RASGRP4: variants seen among roughly 807,000 people sequenced by gnomAD.
The protein encoded by RASGRP4 is RAS guanyl-releasing protein 4.
In RASGRP4, 52 loss-of-function variants were observed where a neutral mutation model predicts 84.4. The observed-to-expected ratio is 0.62, with a 90% CI of 0.49 to 0.78. RASGRP4 has a LOEUF of 0.78. Among genes scored for constraint, RASGRP4 ranks in the 30% least tolerant of loss-of-function variants. The pLI is 0.00. For synonymous variants in RASGRP4, 356 were observed against 359.1 expected, an observed-to-expected ratio of 0.99 and a Z score of 0.10; for missense variants, 760 against 886.9, an observed-to-expected ratio of 0.86 and a Z score of 1.82.
chr19:38,412,568 T>G lies in RASGRP4; in HGVS notation c.1680+104A>C. On this transcript the variant is annotated intron_variant, in intron 13 of 16. Transcript: ENST00000615439. This position sits in a 1 kb window ranked among gnomAD's most constrained non-coding sequence, Gnocchi z 4.6. ...TAGGGTTTATATGAAACAGGATGAT[T>G]TGAAGCTGGAGGATTTCTGGAATTT... The G allele has an allele frequency of 9.2e-7, 1 of 1,091,824 alleles. No homozygotes were observed. 67.6% of individuals were successfully genotyped at this position (1,091,824 alleles called of 1,614,324 possible). A position where few individuals can be genotyped will look rare whatever the true frequency, so the allele number is the denominator to read the frequency against.
chr19:38,424,967 C>T (rs1368780744), intron 1 of RASGRP4, among the ~76,000 whole-genome samples: 3 of 151,940 alleles, frequency 2.0e-5, no homozygotes, highest in South Asian at 2.1e-4. Context: ...GGGTGGATCA[C>T]GAGGTCAAGA....
chr19:38,423,923 G>A (rs1428663177), intron 1 of RASGRP4, among the ~76,000 whole-genome samples: 1 of 152,116 alleles, frequency 6.6e-6, no homozygotes, highest in Non-Finnish European at 1.5e-5. Context: ...TCCTGATAGG[G>A]GAAGAGGGTA....
At position 38,412,851 on chromosome 19, in the gene RASGRP4, C is replaced by T. The variant is rs769115432; in HGVS notation, c.1536-35G>A. On this transcript the variant is annotated intron_variant, in intron 12 of 16. Transcript: ENST00000615439. This position sits in a 1 kb window ranked among gnomAD's most constrained non-coding sequence, Gnocchi z 4.6. ...GAAACTGAGCCTCAGCATGACCTGC[C>T]CCAACGTCCTCCAGACCCAGGAGTC... 2.5e-6 allele frequency: 4 copies of T among 1,611,640 alleles called. No individual in the cohort carries two copies. The highest frequency in any genetic ancestry group is 3.4e-6 in the Non-Finnish European group (4 of 1,178,540).
chr19:38,412,937 C>A lies in RASGRP4; in HGVS notation c.1529G>T (p.Arg510Leu), dbSNP rs751562921. 1 of 1,613,534 alleles carries A rather than the reference C, an allele frequency of 6.2e-7. No individual in the cohort carries two copies. The highest frequency in any genetic ancestry group is 8.5e-7 in the Non-Finnish European group (1 of 1,179,566). Residue 510 changes from arginine (R) to leucine (L), a missense_variant, in exon 12 of 17, where the codon CGC (arginine) becomes CTC (leucine). By Grantham distance (102) the Arg-to-Leu change is moderately radical. Coordinates refer to ENST00000615439, the MANE Select transcript of RASGRP4 (RefSeq NM_170604.3). The surrounding 1 kb of genome is among the most constrained non-coding windows in gnomAD (Gnocchi z 4.6). ...AGGAGTCACAACCACTTACCCCTGG[C>A]GTGGGGGTGGGTGAAGCCCATGGCA... ...FACHGLHPPPRQGRGSFSREE... is the reference protein window; with the variant it reads ...FACHGLHPPPLQGRGSFSREE...
Position 38,418,685 on chromosome 19 carries a change from A to C in RASGRP4, c.664-121T>G. 4 of 973,516 alleles carry C rather than the reference A, an allele frequency of 4.1e-6. No individual in the cohort carries two copies. Among genetic ancestry groups the C allele is most frequent in the Non-Finnish European group, 5.8e-6 (4 of 686,346 alleles). The allele number at this position is 973,516 out of a possible 1,614,324, so 60.3% of individuals were successfully genotyped here. ...TGGTCTAGCCGGAGTGACCTTTGTCATCTGTCCCCCAACCCTCAGGCTGCT... is the reference window on the plus strand; with the variant it reads ...TGGTCTAGCCGGAGTGACCTTTGTCCTCTGTCCCCCAACCCTCAGGCTGCT... On this transcript the variant is annotated intron_variant, in intron 6 of 16. Coordinates refer to ENST00000615439, the MANE Select transcript of RASGRP4 (RefSeq NM_170604.3). This position sits in a 1 kb window ranked among gnomAD's most constrained non-coding sequence, Gnocchi z 4.6.
intron 1 of RASGRP4, among the ~76,000 whole-genome samples, chr19:38,425,333 C>T (rs575493192): frequency 3.9e-5 from 6 of 152,226 alleles, no homozygotes; most frequent in African/African-American, 9.6e-5. Flanking sequence ...CAGGCCTCTC[C>T]GAGGTAGAGG....
chr19:38,414,989 C>T lies in RASGRP4; in HGVS notation c.1089G>A (p.Glu363=). The T allele has an allele frequency of 6.2e-7, 1 of 1,613,398 alleles. No individual in the cohort carries two copies. The change falls in exon 9 of 17, where the codon GAG becomes GAA. Residue 363 remains glutamate (E), a synonymous_variant. Coordinates refer to ENST00000615439, the MANE Select transcript of RASGRP4 (RefSeq NM_170604.3). The part of the protein sequence containing the change: ...VHLKDLVSLH[E]AQPDRLPDGR... ...CGTCAGGCAACCTGTCGGGCTGTGC[C>T]TCATGCAGGGACACCAGGTCCTTGA...
chr19:38,416,075 A>T (rs1321534473), intron 8 of RASGRP4, among the ~76,000 whole-genome samples: 1 of 150,074 alleles, frequency 6.7e-6, no homozygotes, highest in Non-Finnish European at 1.5e-5. Flanking sequence ...CAACAATGAA[A>T]AGGCTGAGGG....
Position 38,411,111 on chromosome 19 carries a change from T to C in RASGRP4, c.1852+4A>G. The C allele has an allele frequency of 6.2e-7, 1 of 1,613,286 alleles. No individual in the cohort carries two copies. The highest frequency in any genetic ancestry group is 8.5e-7 in the Non-Finnish European group (1 of 1,179,540). On this transcript the variant is annotated splice_donor_region_variant and intron_variant, in intron 15 of 16. Transcript: ENST00000615439. ...TCCCAGCACCGGTGTGCTCTAGGTC[T>C]TACCACAGCTGGCATGGGGAGCTGG...
Position 38,415,038 on chromosome 19 carries a change from C to T in RASGRP4, c.1040G>A (p.Arg347Gln). ...GAGGTGCACGCCCAGTACAGGCAGC[C>T]GGAAACCCGCGCAGCCAGCCCAGGT... ...RRTWAGCAGF[R>Q]LPVLGVHLKD... Residue 347 changes from arginine to glutamine, a missense_variant, in exon 9 of 17, where the codon CGG becomes CAG. By Grantham distance (43) the Arg-to-Gln change is conservative (BLOSUM62 1). Coordinates refer to ENST00000615439, the MANE Select transcript of RASGRP4 (RefSeq NM_170604.3). The T allele has an allele frequency of 1.2e-6, 2 of 1,608,042 alleles. No individual in the cohort carries two copies. The highest frequency in any genetic ancestry group is 1.7e-6 in the Non-Finnish European group (2 of 1,177,642).
At position 38,417,888 on chromosome 19, in the gene RASGRP4, CG is replaced by C. The variant is rs1180401982; in HGVS notation, c.837+502del. 1.3e-5 allele frequency among the ~76,000 whole-genome samples: 2 copies of C among 148,664 alleles called. No individual in the cohort carries two copies. The highest frequency in any genetic ancestry group is 3.0e-5 in the Non-Finnish European group (2 of 67,496). On this transcript the variant is annotated intron_variant, in intron 7 of 16. Coordinates refer to ENST00000615439, the MANE Select transcript of RASGRP4 (RefSeq NM_170604.3). The surrounding 1 kb of genome is among the most constrained non-coding windows in gnomAD (Gnocchi z 5.1). ...AATACGCAAGGGGGCGCGGCCACAG[CG>C]GGGCCGTAGGGCTTCCCTTTTCCCC... is the stretch of plus-strand genomic sequence containing the variant.
intron 1 of RASGRP4, among the ~76,000 whole-genome samples, chr19:38,423,701 G>A (rs1434156892): frequency 6.7e-6 from 1 of 148,474 alleles, no homozygotes; most frequent in Admixed American, 6.7e-5. Context: ...GCCAGGCGTG[G>A]TGGTGGGCTC....
chr19:38,424,407 A>G (rs2145248542), intron 1 of RASGRP4, among the ~76,000 whole-genome samples: 1 of 151,524 alleles, frequency 6.6e-6, no homozygotes, highest in South Asian at 2.1e-4. Context: ...GGTGTGAGCC[A>G]TCACGCCAGG....
At position 38,415,112 on chromosome 19, in the gene RASGRP4, C is replaced by T. The variant is rs2145208234; in HGVS notation, c.966G>A (p.Glu322=). ...TGTGGGAGGCAAGGAGCTCAGTGAGCTCCAGGAGGGCCTGGGGAGGAGGGA... is the reference window on the plus strand; with the variant it reads ...TGTGGGAGGCAAGGAGCTCAGTGAGTTCCAGGAGGGCCTGGGGAGGAGGGA... ...LSPDSTKALL[E]LTELLASHNN... Residue 322 remains glutamate (E), a synonymous_variant, in exon 9 of 17, where the codon GAG becomes GAA. Transcript: ENST00000615439. The T allele has an allele frequency of 2.5e-6, 4 of 1,594,276 alleles. No homozygotes were observed. The highest frequency in any genetic ancestry group is 3.4e-6 in the Non-Finnish European group (4 of 1,169,498).
intron 13 of RASGRP4, 111 bp from the exon 14 acceptor site, chr19:38,411,492 A>C: frequency 4.8e-5 from 50 of 1,033,164 alleles, no homozygotes; most frequent in Non-Finnish European, 6.5e-5. Flanking sequence ...TGAAATTCTC[A>C]AGGCTAGAGA....
rs779914355 is a variant in RASGRP4 at position 38,414,880 on chromosome 19, T to C, written c.1198A>G (p.Ser400Gly). The change falls in exon 9 of 17, where the codon AGC becomes GGC. Residue 400 changes from serine (S) to glycine (G), a missense_variant. Physicochemically the swap from Ser to Gly is moderately conservative, Grantham distance 56 (BLOSUM62 0). Transcript: ENST00000615439. ...VALQGQHPPC[S>G]ANEDLLHLLT... ...AGGTGCAGCAGATCCTCATTGGCGC[T>C]GCAGGGTGGATGCTGCCCTTGGAGG... 1 of 1,603,290 alleles carries C rather than the reference T, an allele frequency of 6.2e-7. No individual in the cohort carries two copies. Among genetic ancestry groups the C allele is most frequent in the Middle Eastern group, 1.7e-4 (1 of 6,000 alleles).
At chr19:38,410,520 C>G (rs963011187) in intron 16 of RASGRP4, among the ~76,000 whole-genome samples, 4 of 151,094 alleles carry the variant, frequency 2.6e-5, no homozygotes, top group African/African-American at 9.8e-5. Context: ...TCAAGTGATT[C>G]TCCTGCCTCA....
In RASGRP4 at chr19:38,419,857, C is replaced by T. The variant is rs1243089250; in HGVS notation, c.663+3G>A. The T allele has an allele frequency of 1.3e-6, 2 of 1,587,240 alleles. No individual in the cohort carries two copies. Among genetic ancestry groups the T allele is most frequent in the Admixed American group, 1.8e-5 (1 of 55,396 alleles). ...TGGGACGGGGATGGGAGGGGGTCCT[C>T]ACCGTGATAGCCTGGAAGGACCGGA... On this transcript the variant is annotated splice_donor_region_variant and intron_variant, in intron 6 of 16. Coordinates refer to ENST00000615439, the MANE Select transcript of RASGRP4 (RefSeq NM_170604.3).
chr19:38,424,831 G>T (rs117559170), intron 1 of RASGRP4, among the ~76,000 whole-genome samples: 1,623 of 152,136 alleles, frequency 0.011, 37 homozygotes, highest in East Asian at 0.086. Context: ...AGTACCAAAA[G>T]CATCACCTGG....
Sources: gnomAD v4.1 joint callset for allele counts (sites outside exome capture counted in the v4.1 genomes callset) on GRCh38, gnomAD v4.1.1 for gene constraint, Gnocchi (gnomAD v3.1) non-coding constraint, MANE v1.5 for transcripts, NCBI Gene and HGNC (gene_info 2026-07-23, HGNC 2026-07-21) for gene names.